Variants in KLF7 observed in about 807,000 individuals in gnomAD.
The protein encoded by KLF7 is Krueppel-like factor 7.
A neutral mutation model predicts 27.3 loss-of-function variants in KLF7; 2 were observed. The ratio of observed to expected loss-of-function variants is 0.07; its 90% CI spans 0.03 to 0.23. KLF7 has a LOEUF of 0.23. Among genes scored for constraint, KLF7 ranks in the 10% least tolerant of loss-of-function variants. The pLI is 1.00. For missense variants in KLF7, 221 were observed against 394.1 expected, an observed-to-expected ratio of 0.56 and a Z score of 3.72; for synonymous variants, 165 against 162.4, an observed-to-expected ratio of 1.02 and a Z score of -0.12.
chr2:207,089,675 C>A (rs2076466646), intron 2 of KLF7, among the ~76,000 whole-genome samples: 1 of 152,120 alleles, frequency 6.6e-6, no homozygotes, highest in South Asian at 2.1e-4. Flanking sequence ...CCTTAATTGT[C>A]TGACCTTGGG....
intron 2 of KLF7, among the ~76,000 whole-genome samples, chr2:207,108,386 G>A (rs1373465292): frequency 2.0e-5 from 3 of 152,090 alleles, no homozygotes; most frequent in Non-Finnish European, 4.4e-5. Context: ...CAGGTAGAAT[G>A]AAATAAAAAG....
chr2:207,082,586 T>C (rs1353781446), intron 3 of KLF7, among the ~76,000 whole-genome samples: 1 of 152,258 alleles, frequency 6.6e-6, no homozygotes, highest in Non-Finnish European at 1.5e-5. Context: ...TCTCAGGTTC[T>C]GAATGAAATC....
chr2:207,094,133 T>C lies in KLF7; in HGVS notation c.734-5552A>G, dbSNP rs184496666. Among the ~76,000 whole-genome samples the C allele has an allele frequency of 5.6e-3, 851 of 152,366 alleles. 8 individuals are homozygous for C. Among genetic ancestry groups the C allele is most frequent in the South Asian group, 8.9e-3 (43 of 4,828 alleles). On this transcript the variant is annotated intron_variant, in intron 2 of 3. Coordinates refer to ENST00000309446, the MANE Select transcript of KLF7 (RefSeq NM_003709.4). ...GTGATATGTCAAATGTACTGTGCTATAAATTTGCCTTTAAGATAGAGAGTG... is the reference window on the plus strand; with the variant it reads ...GTGATATGTCAAATGTACTGTGCTACAAATTTGCCTTTAAGATAGAGAGTG...
At chr2:207,140,818 C>A (rs2077920874) in intron 1 of KLF7, among the ~76,000 whole-genome samples, 1 of 152,232 alleles carries the variant, frequency 6.6e-6, no homozygotes, top group South Asian at 2.1e-4. Context: ...TGGTAGAAGA[C>A]CATCTCTGTT....
At chr2:207,084,537 A>C (rs945287178) in intron 3 of KLF7, among the ~76,000 whole-genome samples, 1 of 149,748 alleles carries the variant, frequency 6.7e-6, no homozygotes, top group Non-Finnish European at 1.5e-5. Flanking sequence ...TTCAAATTCC[A>C]AAAAAAAAAT....
intron 2 of KLF7, among the ~76,000 whole-genome samples, chr2:207,096,830 T>C (rs2076643056): frequency 6.6e-6 from 1 of 152,216 alleles, no homozygotes; most frequent in Admixed American, 6.5e-5. Context: ...ATAGGACCCA[T>C]AAAAGTGCCA....
At chr2:207,166,536 GA>G (rs11356943), upstream of KLF7, 58,056 of 152,012 alleles carry the variant, frequency 0.38, 11,891 homozygotes, top group African/African-American at 0.52. Context: ...CCCTCAGAGG[GA>G]AGGGGTCGCG....
chr2:207,146,270 T>C (rs903747580), intron 1 of KLF7, among the ~76,000 whole-genome samples: 4 of 152,134 alleles, frequency 2.6e-5, no homozygotes, highest in African/African-American at 7.2e-5. Context: ...CCACATTCTC[T>C]CCATTTTCTC....
At chr2:207,113,667 T>C (rs543942025) in intron 2 of KLF7, among the ~76,000 whole-genome samples, 2 of 148,912 alleles carry the variant, frequency 1.3e-5, no homozygotes, top group South Asian at 2.2e-4. Flanking sequence ...AACAGCTGTG[T>C]AGCAGGCCCA....
intron 2 of KLF7, among the ~76,000 whole-genome samples, chr2:207,120,704 C>T (rs2077315834): frequency 6.6e-6 from 1 of 152,196 alleles, no homozygotes; most frequent in Admixed American, 6.5e-5. Flanking sequence ...AGCAGCTCTC[C>T]CAACTCCAGT....
chr2:207,161,957 C>T (rs1388555328), intron 1 of KLF7, among the ~76,000 whole-genome samples: 1 of 152,032 alleles, frequency 6.6e-6, no homozygotes, highest in Non-Finnish European at 1.5e-5. Flanking sequence ...AACATAATTC[C>T]ATAAGACTTT....
At chr2:207,143,125 A>G (rs77642233) in intron 1 of KLF7, among the ~76,000 whole-genome samples, 5,169 of 152,270 alleles carry the variant, frequency 0.034, 289 homozygotes, top group African/African-American at 0.12. Flanking sequence ...ACAAATCAAA[A>G]TGAGGACAAA....
chr2:207,164,124 C>T (rs1014594097), intron 1 of KLF7, among the ~76,000 whole-genome samples: 1 of 152,238 alleles, frequency 6.6e-6, no homozygotes, highest in African/African-American at 2.4e-5. Flanking sequence ...GTTAAAGGAT[C>T]CGCCTTGCCA....
intron 1 of KLF7, among the ~76,000 whole-genome samples, chr2:207,130,843 G>GT (rs1349065109): frequency 2.0e-5 from 3 of 152,140 alleles, no homozygotes; most frequent in South Asian, 2.1e-4. Flanking sequence ...ACTCAAGTTA[G>GT]TAAGTAAAAA....
intron 1 of KLF7, among the ~76,000 whole-genome samples, chr2:207,132,143 G>C (rs1003952364): frequency 6.6e-6 from 1 of 152,114 alleles, no homozygotes; most frequent in Non-Finnish European, 1.5e-5. Flanking sequence ...GACAGTATGA[G>C]TGAAAATCTT....
chr2:207,154,659 GTATTAT>G (rs2078332921), intron 1 of KLF7, among the ~76,000 whole-genome samples: 1 of 152,130 alleles, frequency 6.6e-6, no homozygotes, highest in Non-Finnish European at 1.5e-5. Flanking sequence ...GTGCCTCTGT[GTATTAT>G]TATTGAGAGG....
rs1159932813 is a variant in KLF7, at chr2:207,079,850, A to C, written c.*1363T>G. ...TAAATGTCAACCCTTCACTCCCACA[A>C]TGGCGTTTTAAATTGTGTATTGTAA... On this transcript the variant is annotated 3_prime_UTR_variant, in exon 4 of 4. Transcript: ENST00000309446. 2 of 152,198 alleles carry C rather than the reference A, an allele frequency of 1.3e-5. No homozygotes were observed. The highest frequency in any genetic ancestry group is 2.9e-5 in the Non-Finnish European group (2 of 68,026). 9.4% of individuals were successfully genotyped at this position (152,198 alleles called of 1,614,324 possible).
intron 1 of KLF7, among the ~76,000 whole-genome samples, chr2:207,125,703 G>C (rs1469569599): frequency 6.6e-6 from 1 of 152,046 alleles, no homozygotes; most frequent in East Asian, 1.9e-4. Context: ...ATCAGCTTTG[G>C]GTCTCACTGT....
intron 1 of KLF7, among the ~76,000 whole-genome samples, chr2:207,132,717 A>C (rs1233025184): frequency 6.6e-6 from 1 of 152,248 alleles, no homozygotes; most frequent in East Asian, 1.9e-4. Flanking sequence ...ATTAACCATC[A>C]AAGTGAGCTT....
Sources: gnomAD v4.1 joint callset for allele counts (sites outside exome capture counted in the v4.1 genomes callset) on GRCh38, gnomAD v4.1.1 for gene constraint, MANE v1.5 for transcripts, NCBI Gene and HGNC (gene_info 2026-07-23, HGNC 2026-07-21) for gene names.